DST: variants seen among roughly 807,000 people sequenced by gnomAD.
The protein encoded by DST is dystonin.
A neutral mutation model predicts 875.2 loss-of-function variants in DST; 253 were observed. The observed-to-expected ratio is 0.29, with a 90% CI of 0.26 to 0.32. The LOEUF is 0.32. Among genes scored for constraint, DST ranks in the 10% least tolerant of loss-of-function variants. The pLI, the probability that DST is intolerant of heterozygous loss-of-function variation, is 1.00. For missense variants in DST, 8,287 were observed against 9,111.6 expected, an observed-to-expected ratio of 0.91 and a Z score of 3.68; for synonymous variants, 3,124 against 3,197.1, an observed-to-expected ratio of 0.98 and a Z score of 0.77.
intron 10 of DST, among the ~76,000 whole-genome samples, chr6:56,653,954 T>C (rs913554803): frequency 6.6e-6 from 1 of 152,218 alleles, no homozygotes; most frequent in African/African-American, 2.4e-5. Flanking sequence ...ATTCTAAAGG[T>C]TTCATTTCTT....
chr6:56,907,488 A>C (rs990337723), intron 2 of DST, among the ~76,000 whole-genome samples: 1 of 152,224 alleles, frequency 6.6e-6, no homozygotes, highest in Non-Finnish European at 1.5e-5. Flanking sequence ...TGCAGAAACA[A>C]GCAAACAGGC....
rs182029425 is a variant in DST at position 56,868,130 on chromosome 6, T to C, written c.418-16526A>G. Among the ~76,000 whole-genome samples, 5 of 152,340 alleles carry C rather than the reference T, an allele frequency of 3.3e-5. No individual in the cohort carries two copies. In the East Asian group the frequency reaches 9.6e-4, roughly 29 times the overall value. ...GGGTGTCAGTTCATTTTACAAAACA[T>C]GCAAGTAGAAATAATTATTTTTAAT... On this transcript the variant is annotated intron_variant, in intron 3 of 103. Coordinates refer to ENST00000680361, the MANE Select transcript of DST (RefSeq NM_001374736.1).
At chr6:56,486,659 G>C (rs984060515) in intron 87 of DST, among the ~76,000 whole-genome samples, 16 of 152,146 alleles carry the variant, frequency 1.1e-4, no homozygotes, top group Non-Finnish European at 1.9e-4. Flanking sequence ...GCTGGGGCCA[G>C]ATCAGTGGTA....
At chr6:56,641,844 G>T in intron 17 of DST, 103 bp downstream of exon 17, 1 of 932,780 alleles carries the variant, frequency 1.1e-6, no homozygotes, top group Non-Finnish European at 1.5e-6. Flanking sequence ...AAACAGCAAA[G>T]AAATATATTT....
chr6:56,782,533 G>C (rs555272920), intron 4 of DST, among the ~76,000 whole-genome samples: 41 of 152,324 alleles, frequency 2.7e-4, no homozygotes, highest in African/African-American at 9.4e-4. Context: ...AGTATTCTCT[G>C]ATGGTAGTTT....
chr6:56,663,596 GTGTGAC>G (rs1348829915), intron 10 of DST, among the ~76,000 whole-genome samples: 2 of 152,212 alleles, frequency 1.3e-5, no homozygotes, highest in African/African-American at 2.4e-5. Context: ...AGCTTCTAAG[GTGTGAC>G]TGAATTCACG....
chr6:56,848,591 G>A (rs182244518), intron 4 of DST, among the ~76,000 whole-genome samples: 1 of 152,278 alleles, frequency 6.6e-6, no homozygotes, highest in East Asian at 1.9e-4. Flanking sequence ...TGAGTGGCCA[G>A]TTTAACACAT....
At chr6:56,534,532 T>A (rs1206023537) in intron 63 of DST, among the ~76,000 whole-genome samples, 1 of 152,178 alleles carries the variant, frequency 6.6e-6, no homozygotes, top group Non-Finnish European at 1.5e-5. Context: ...CCTCAGCATA[T>A]ATGAATCAAA....
At chr6:56,613,762 C>T (rs896610019) in intron 37 of DST, among the ~76,000 whole-genome samples, 3 of 152,160 alleles carry the variant, frequency 2.0e-5, no homozygotes, top group Admixed American at 1.3e-4. Flanking sequence ...TCCAACTAAT[C>T]CTAAGCAGTT....
chr6:56,906,634 C>G (rs1195292015), intron 2 of DST, among the ~76,000 whole-genome samples: 1 of 152,186 alleles, frequency 6.6e-6, no homozygotes, highest in Non-Finnish European at 1.5e-5. Context: ...ACCACCTCCT[C>G]AAGCTGGACT....
At chr6:56,930,473 T>C (rs184844311) in intron 2 of DST, among the ~76,000 whole-genome samples, 66 of 152,346 alleles carry the variant, frequency 4.3e-4, no homozygotes, top group African/African-American at 1.5e-3. Context: ...AACTAAAATA[T>C]AGGATTAAAA....
At position 56,620,592 on chromosome 6, in the gene DST, C is replaced by T. The variant is rs371236907; in HGVS notation, c.4929+3938G>A. ...CGGGACTTTTGTTTCTTTAGTTCAGCTACCATTCTTTCCAACTCACTTATC... is the reference window on the plus strand; with the variant it reads ...CGGGACTTTTGTTTCTTTAGTTCAGTTACCATTCTTTCCAACTCACTTATC... On this transcript the variant is annotated intron_variant, in intron 36 of 103. Transcript: ENST00000680361. The T allele has an allele frequency of 1.2e-5, 19 of 1,613,928 alleles. No homozygotes were observed. In the African/African-American group the frequency reaches 1.6e-4, roughly 14 times the overall value.
At position 56,511,060 on chromosome 6, in the gene DST, G is replaced by A. The variant is rs1313554435; in HGVS notation, c.18780+137C>T. 9.7e-6 allele frequency: 7 copies of A among 722,556 alleles called. No homozygotes were observed. The African/African-American group carries it at 1.2e-4, about 13-fold the overall frequency. The allele number at this position is 722,556 out of a possible 1,614,324, so 44.8% of individuals were successfully genotyped here. A position where few individuals can be genotyped will look rare whatever the true frequency, so the allele number is the denominator to read the frequency against. ...GATGCAAGCAAACATCACCTCTGAG[G>A]GACACAGACATCAATACTCAAGAGT... On this transcript the variant is annotated intron_variant, in intron 73 of 103. Transcript: ENST00000680361.
At chr6:56,781,751 A>G (rs1315601540) in intron 4 of DST, among the ~76,000 whole-genome samples, 2 of 152,126 alleles carry the variant, frequency 1.3e-5, no homozygotes, top group Admixed American at 6.6e-5. Flanking sequence ...CAGAACTTTC[A>G]ACACTATGTT....
rs758568001 is a variant in DST at position 56,529,521 on chromosome 6, T to C, written c.17522A>G (p.His5841Arg). The C allele has an allele frequency of 1.2e-6, 2 of 1,612,854 alleles. No individual in the cohort carries two copies. The highest frequency in any genetic ancestry group is 1.7e-5 in the Admixed American group (1 of 59,952). ...VELMNWLNEV[H>R]DKLSKLSVQD... ...GACTGAGAGCTTGCTCAGTTTGTCA[T>C]GCACTTCATTCAGCCAGTTCATCAG... Residue 5841 changes from histidine (H) to arginine (R), a missense_variant, in exon 66 of 104, where the codon CAT becomes CGT. By Grantham distance (29) the His-to-Arg change is conservative. Transcript: ENST00000680361.
At chr6:56,809,312 G>A (rs2099757002) in intron 4 of DST, among the ~76,000 whole-genome samples, 1 of 152,174 alleles carries the variant, frequency 6.6e-6, no homozygotes. Flanking sequence ...CTCCCCGAGT[G>A]AGGCATAACT....
At chr6:56,925,623 G>A (rs754085108) in intron 2 of DST, among the ~76,000 whole-genome samples, 5 of 152,164 alleles carry the variant, frequency 3.3e-5, no homozygotes, top group Non-Finnish European at 5.9e-5. Context: ...TTTGTCTTCC[G>A]AACACAGCTT....
intron 3 of DST, among the ~76,000 whole-genome samples, chr6:56,874,077 T>C (rs1279647590): frequency 6.6e-6 from 1 of 152,162 alleles, no homozygotes; most frequent in African/African-American, 2.4e-5. Context: ...GAATAACCAC[T>C]GCACTCCAGC....
rs954486837 is a variant in DST at position 56,621,245 on chromosome 6, TA to T, written c.4929+3284del. Reference sequence around the variant, plus strand: ...TACTTATATTCCCATGTCTTATGGTTAAAAAAACAAAGCACAGAACTTTAGA... The same window carrying T: ...TACTTATATTCCCATGTCTTATGGTTAAAAAACAAAGCACAGAACTTTAGA... On this transcript the variant is annotated intron_variant, in intron 36 of 103. Transcript: ENST00000680361. 6.8e-4 allele frequency among the ~76,000 whole-genome samples: 104 copies of T among 152,276 alleles called. 1 individual carries two copies. Among genetic ancestry groups the T allele is most frequent in the African/African-American group, 2.4e-3 (98 of 41,540 alleles).
Sources: allele counts gnomAD v4.1 joint callset (sites outside exome capture counted in the v4.1 genomes callset), GRCh38; gene constraint gnomAD v4.1.1; transcripts MANE v1.5; gene names NCBI Gene and HGNC (gene_info 2026-07-23, HGNC 2026-07-21).